ZNF140: variants seen among roughly 807,000 people sequenced by gnomAD.
ZNF140 encodes the protein zinc finger protein 140.
A neutral mutation model predicts 12.9 loss-of-function variants in ZNF140; 13 were observed. The observed-to-expected ratio is 1.01, with a 90% confidence interval of 0.66 to 1.60. The LOEUF is 1.60. Ranked by LOEUF, ZNF140 falls within the 40% of genes most tolerant of loss-of-function variation. The pLI, the probability that ZNF140 is intolerant of heterozygous loss-of-function variation, is 0.00. For missense variants in ZNF140, 531 were observed against 548.8 expected, an observed-to-expected ratio of 0.97 and a Z score of 0.32; for synonymous variants, 214 against 186.7, an observed-to-expected ratio of 1.15 and a Z score of -1.19.
Position 133,105,716 on chromosome 12 carries a change from GC to G in ZNF140, c.442del (p.Leu148TrpfsTer5). Reference sequence around the variant, plus strand: ...GAAAGTAACAGTCTCTCATCAAGAAGCCCTGGCTCAACATATGAATATCAGT... The same window carrying G: ...GAAAGTAACAGTCTCTCATCAAGAAGCCTGGCTCAACATATGAATATCAGT... ...IRKVTVSHQE[A>X]LAQHMNISTV... On this transcript the variant is annotated frameshift_variant, in exon 5 of 5. Transcript: ENST00000355557. LOFTEE classifies it low-confidence loss of function (END_TRUNC). 6.2e-7 allele frequency: 1 copy of G among 1,614,166 alleles called. No homozygotes were observed. The highest frequency in any genetic ancestry group is 8.5e-7 in the Non-Finnish European group (1 of 1,180,022).
At chr12:133,092,073 A>T (rs936950787) in intron 4 of ZNF140, among the ~76,000 whole-genome samples, 1 of 151,166 alleles carries the variant, frequency 6.6e-6, no homozygotes, top group Admixed American at 6.6e-5. Context: ...CACAGTCTTG[A>T]GGAATTCTTT....
intron 4 of ZNF140, among the ~76,000 whole-genome samples, chr12:133,095,041 ACTT>A (rs1955019448): frequency 6.6e-6 from 1 of 151,012 alleles, no homozygotes; most frequent in African/African-American, 2.5e-5. Context: ...TGAAACTCTA[ACTT>A]CTTCTGTTTG....
chr12:133,102,186 GGA>G (rs2137571562), intron 4 of ZNF140, among the ~76,000 whole-genome samples: 1 of 152,224 alleles, frequency 6.6e-6, no homozygotes, highest in South Asian at 2.1e-4. Flanking sequence ...AGAAGGGGCT[GGA>G]GTTTAGTTTG....
At chr12:133,088,108 C>T (rs923414121) in intron 4 of ZNF140, among the ~76,000 whole-genome samples, 41 of 147,236 alleles carry the variant, frequency 2.8e-4, no homozygotes, top group African/African-American at 8.3e-4. Flanking sequence ...CCGGCCTGGG[C>T]GACAGCAAGA....
intron 2 of ZNF140, 182 bp from the exon 3 acceptor site, chr12:133,082,921 A>G: frequency 1.3e-6 from 1 of 765,814 alleles, no homozygotes; most frequent in Non-Finnish European, 2.0e-6. Context: ...CCTTTTCTCC[A>G]GTTATACAAC....
chr12:133,091,243 C>T (rs1332627633), intron 4 of ZNF140, among the ~76,000 whole-genome samples: 1 of 150,378 alleles, frequency 6.6e-6, no homozygotes, highest in East Asian at 1.9e-4. Context: ...TTCTGCAGTG[C>T]ACTGTGCCCT....
chr12:133,083,661 T>A, intron 4 of ZNF140, 100 bp downstream of exon 4: 1 of 1,179,836 alleles, frequency 8.5e-7, no homozygotes, highest in East Asian at 2.5e-5. Flanking sequence ...AATTTTCCCT[T>A]AAAGATACTA....
At chr12:133,088,238 T>A (rs907028735) in intron 4 of ZNF140, among the ~76,000 whole-genome samples, 1 of 152,196 alleles carries the variant, frequency 6.6e-6, no homozygotes, top group African/African-American at 2.4e-5. Flanking sequence ...TAGAATAATT[T>A]CACTGCACTA....
chr12:133,095,787 G>A lies in ZNF140; in HGVS notation c.233-9723G>A, dbSNP rs575049260. On this transcript the variant is annotated intron_variant, in intron 4 of 4. Transcript: ENST00000355557. ...TTAAGGGAAGGTACTATGCCTGGAT[G>A]TGCACGTAATCCAGATTTATGTTTC... Among the ~76,000 whole-genome samples the A allele has an allele frequency of 1.0e-3, 158 of 151,796 alleles. 1 individual carries two copies. In the Middle Eastern group the frequency reaches 0.014, roughly 13 times the overall value.
intron 4 of ZNF140, among the ~76,000 whole-genome samples, chr12:133,095,751 C>A (rs924731170): frequency 6.6e-6 from 1 of 151,280 alleles, no homozygotes; most frequent in Non-Finnish European, 1.5e-5. Flanking sequence ...GAATCTATGT[C>A]ATAATTAGGT....
chr12:133,103,505 G>C (rs1247341095), intron 4 of ZNF140, among the ~76,000 whole-genome samples: 1 of 151,218 alleles, frequency 6.6e-6, no homozygotes, highest in Non-Finnish European at 1.5e-5. Context: ...CAAACTCTAG[G>C]ACTCAAGTGA....
In ZNF140 at chr12:133,106,223, C is replaced by G; in HGVS notation, c.946C>G (p.Leu316Val). Reference sequence around the variant, plus strand: ...GAAGGCATTTCGCCGTTTCTCACACCTTACTCGACATCAGAGCATCCATAC... The same window carrying G: ...GAAGGCATTTCGCCGTTTCTCACACGTTACTCGACATCAGAGCATCCATAC... ...CGKAFRRFSH[L>V]TRHQSIHTTK... is the part of the protein sequence containing the mutation. Residue 316 changes from leucine (L) to valine (V), a missense_variant, in exon 5 of 5, where the codon CTT becomes GTT. Coordinates refer to ENST00000355557, the MANE Select transcript of ZNF140 (RefSeq NM_003440.4). The G allele has an allele frequency of 3.1e-6, 5 of 1,614,186 alleles. No individual in the cohort carries two copies. Among genetic ancestry groups the G allele is most frequent in the Non-Finnish European group, 4.2e-6 (5 of 1,180,020 alleles).
chr12:133,084,075 C>T (rs1306439004), intron 4 of ZNF140: 6 of 378,010 alleles, frequency 1.6e-5, no homozygotes, highest in African/African-American at 6.6e-5. Context: ...CTGACATAGT[C>T]GACCAGTTCT....
intron 4 of ZNF140, among the ~76,000 whole-genome samples, chr12:133,097,174 T>C (rs764068802): frequency 6.6e-5 from 10 of 152,224 alleles, no homozygotes; most frequent in Non-Finnish European, 1.2e-4. Flanking sequence ...TCTCTTTCTT[T>C]TGATAAGTGT....
In ZNF140 at chr12:133,095,958, C is replaced by T. The variant is rs938353459; in HGVS notation, c.233-9552C>T. ...GGTTTTATACCGAGACATTCAGTTCCCAGGGGCAGGCAGGAGACAGTGGCC... is the reference window on the plus strand; with the variant it reads ...GGTTTTATACCGAGACATTCAGTTCTCAGGGGCAGGCAGGAGACAGTGGCC... On this transcript the variant is annotated intron_variant, in intron 4 of 4. Coordinates refer to ENST00000355557, the MANE Select transcript of ZNF140 (RefSeq NM_003440.4). 3.2e-4 allele frequency among the ~76,000 whole-genome samples: 49 copies of T among 151,194 alleles called. No individual in the cohort carries two copies. The South Asian group carries it at 8.0e-3, about 25-fold the overall frequency.
At chr12:133,095,943 C>G (rs973882313) in intron 4 of ZNF140, among the ~76,000 whole-genome samples, 8 of 151,518 alleles carry the variant, frequency 5.3e-5, no homozygotes, top group Non-Finnish European at 1.2e-4. Context: ...GGTTTTATAC[C>G]GAGACATTCA....
At chr12:133,092,302 A>G (rs74904815) in intron 4 of ZNF140, among the ~76,000 whole-genome samples, 41,025 of 150,580 alleles carry the variant, frequency 0.27, 6,634 homozygotes, top group Non-Finnish European at 0.3. Context: ...GGATCCTCGC[A>G]CCCTCTCTTG....
chr12:133,081,617 C>G, intron 2 of ZNF140: 1 of 453,680 alleles, frequency 2.2e-6, no homozygotes, highest in Non-Finnish European at 4.4e-6. Context: ...TTTTCAGGTG[C>G]TTATACTTAA....
chr12:133,089,168 A>G (rs1954773440), intron 4 of ZNF140, among the ~76,000 whole-genome samples: 1 of 152,056 alleles, frequency 6.6e-6, no homozygotes, highest in Admixed American at 6.5e-5. Context: ...AGAATTTACC[A>G]GTGAATCCTG....
Sources: gnomAD v4.1 joint callset for allele counts (sites outside exome capture counted in the v4.1 genomes callset) on GRCh38, gnomAD v4.1.1 for gene constraint, MANE v1.5 for transcripts, NCBI Gene and HGNC (gene_info 2026-07-23, HGNC 2026-07-21) for gene names.